WDR87: variants seen among roughly 807,000 people sequenced by gnomAD.
WDR87 encodes the protein WD repeat-containing protein 87.
Under a neutral mutation model 83.3 loss-of-function variants are expected in WDR87, and 56 were observed. That is an observed-to-expected ratio of 0.67 (90% confidence interval 0.54 to 0.84). WDR87 has a LOEUF of 0.84. Ranked by LOEUF, WDR87 falls within the 40% of genes least tolerant of loss-of-function variation. The pLI is 0.00. For missense variants in WDR87, 2,939 were observed against 3,431.9 expected, an observed-to-expected ratio of 0.86 and a Z score of 3.59; for synonymous variants, 1,173 against 1,250.6, an observed-to-expected ratio of 0.94 and a Z score of 1.31.
Position 37,887,931 on chromosome 19 carries a change from C to G in WDR87, c.5740G>C (p.Val1914Leu), listed in dbSNP as rs1234804158. 6.4e-7 allele frequency: 1 copy of G among 1,551,660 alleles called. No homozygotes were observed. Residue 1914 changes from valine to leucine, a missense_variant, in exon 6 of 6, where the codon GTG becomes CTG. This residue lies in a region of WDR87 where 2,160 missense variants were observed against 2,533.1 expected (regional missense o/e 0.85). Coordinates refer to ENST00000447313, the MANE Select transcript of WDR87 (RefSeq NM_001291088.2). ...ATTCCCAATTTGTTCTTTACTTGCACTAATTGCTTTTTGCTGTGGGTGAGT... is the reference window on the plus strand; with the variant it reads ...ATTCCCAATTTGTTCTTTACTTGCAGTAATTGCTTTTTGCTGTGGGTGAGT... ...ERLTHSKKQL[V>L]QVKNKLGMFN...
In WDR87 at chr19:37,887,266, T is replaced by C. The variant is rs2046157623; in HGVS notation, c.6405A>G (p.Lys2135=). 1 of 1,551,356 alleles carries C rather than the reference T, an allele frequency of 6.4e-7. No individual in the cohort carries two copies. The highest frequency in any genetic ancestry group is 8.7e-7 in the Non-Finnish European group (1 of 1,146,920). Residue 2135 remains lysine, a synonymous_variant, in exon 6 of 6, where the codon AAA becomes AAG. Transcript: ENST00000447313. ...AGAGTGCCCTCTTCATCTTTGTCAT[T>C]TTTATTTCTTCCTGTGTTAGTTTCC... ...DERKLTQEEI[K]MTKMKRALFV...
In WDR87 at chr19:37,885,057, C is replaced by G. The variant is rs892628499; in HGVS notation, c.8614G>C (p.Val2872Leu). The G allele has an allele frequency of 1.4e-6, 2 of 1,469,536 alleles. No homozygotes were observed. The highest frequency in any genetic ancestry group is 5.3e-5 in the Admixed American group (2 of 37,586). 91.0% of individuals were successfully genotyped at this position (1,469,536 alleles called of 1,614,324 possible). ...ATGCCCACGGGAAGGATGGTGCGCA[C>G]ACAGTTCTGCCATGGGAGGGGTACC... ...GAVPLPWQNC[V>L]RTILPVGIAR... Residue 2872 changes from valine (V) to leucine (L), a missense_variant, in exon 6 of 6, where the codon GTG (valine) becomes CTG (leucine). This residue lies in a region of WDR87 where 2,160 missense variants were observed against 2,533.1 expected (regional missense o/e 0.85). Coordinates refer to ENST00000447313, the MANE Select transcript of WDR87 (RefSeq NM_001291088.2).
In WDR87 at chr19:37,898,243, C is replaced by T. The variant is rs961575886; in HGVS notation, c.-4G>A. On this transcript the variant is annotated 5_prime_UTR_variant, in exon 2 of 6. Coordinates refer to ENST00000447313, the MANE Select transcript of WDR87 (RefSeq NM_001291088.2). ...GAATGAGCCTGGGGGAAGACATCAC[C>T]GTCAGACTCCCTTGGCCCTCCTGAG... is the stretch of plus-strand genomic sequence containing the variant. 20 of 1,551,274 alleles carry T rather than the reference C, an allele frequency of 1.3e-5. No homozygotes were observed. The highest frequency in any genetic ancestry group is 7.3e-5 in the East Asian group (3 of 40,930).
At position 37,886,696 on chromosome 19, in the gene WDR87, C is replaced by T. The variant is rs570926079; in HGVS notation, c.6975G>A (p.Glu2325=). 10 of 1,454,482 alleles carry T rather than the reference C, an allele frequency of 6.9e-6. No homozygotes were observed. The East Asian group carries it at 2.0e-4, about 29-fold the overall frequency. 90.1% of individuals were successfully genotyped at this position (1,454,482 alleles called of 1,614,324 possible). The change falls in exon 6 of 6, where the codon GAG becomes GAA. Residue 2325 remains glutamate, a synonymous_variant. Coordinates refer to ENST00000447313, the MANE Select transcript of WDR87 (RefSeq NM_001291088.2). The part of the protein sequence containing the change: ...EEKQVEKEEE[E]KKKKKKEKKK... The stretch of plus-strand genomic sequence containing the variant: ...TCTTTTCCTTTTTCTTCTTCTTCTT[C>T]TCCTCCTCTTCTTTCTCCACTTGCT...
Position 37,890,251 on chromosome 19 carries a change from C to T in WDR87, c.3420G>A (p.Lys1140=), listed in dbSNP as rs62110237. The part of the protein sequence containing the change: ...KHSQKWLRGL[K]KTKERDSKQM... ...GTTTAGAGTCTCTCTCTTTCGTCTT[C>T]TTGAGACCCCGCAACCATTTTTGGC... Residue 1140 remains lysine (K), a synonymous_variant, in exon 6 of 6, where the codon AAG becomes AAA. Transcript: ENST00000447313. 68,029 of 1,533,920 alleles carry T rather than the reference C, an allele frequency of 0.044. 1,739 individuals carry two copies. Among genetic ancestry groups the T allele is most frequent in the East Asian group, 0.1 (4,258 of 40,568 alleles).
chr19:37,899,135 TTGGCTGGGCACCG>T (rs1156898340), intron 1 of WDR87, among the ~76,000 whole-genome samples: 4 of 152,110 alleles, frequency 2.6e-5, no homozygotes, highest in Non-Finnish European at 5.9e-5. Context: ...AGATAGGGTT[TTGGCTGGGCACCG>T]TGGCTCACGC....
At chr19:37,904,247 A>G (rs1329990290) in intron 1 of WDR87, among the ~76,000 whole-genome samples, 1 of 151,952 alleles carries the variant, frequency 6.6e-6, no homozygotes, top group Admixed American at 6.6e-5. Flanking sequence ...TTGAAAATGT[A>G]CTAAGGAGCA....
chr19:37,896,653 C>T (rs1453252828), intron 2 of WDR87, among the ~76,000 whole-genome samples: 1 of 152,142 alleles, frequency 6.6e-6, no homozygotes, highest in Non-Finnish European at 1.5e-5. Context: ...GAGTCTCTTT[C>T]TGTTGCCCAG....
chr19:37,905,557 T>G (rs939266757), intron 1 of WDR87, among the ~76,000 whole-genome samples: 6 of 141,590 alleles, frequency 4.2e-5, no homozygotes, highest in Admixed American at 2.8e-4. Context: ...AACACACACA[T>G]ATATAATTTT....
At position 37,886,434 on chromosome 19, in the gene WDR87, G is replaced by A; in HGVS notation, c.7237C>T (p.Pro2413Ser). 6.5e-7 allele frequency: 1 copy of A among 1,530,388 alleles called. No homozygotes were observed. Among genetic ancestry groups the A allele is most frequent in the Non-Finnish European group, 8.8e-7 (1 of 1,141,272 alleles). 94.8% of individuals were successfully genotyped at this position (1,530,388 alleles called of 1,614,324 possible). Residue 2413 changes from proline to serine, a missense_variant, in exon 6 of 6, where the codon CCT becomes TCT. This residue lies in a region of WDR87 where 2,160 missense variants were observed against 2,533.1 expected (regional missense o/e 0.85). Transcript: ENST00000447313. ...CTTATAGCCCTGCCTTTGCCATGAGGAACTCCTCTTAAAATGGAAAGGACT... is the reference window on the plus strand; with the variant it reads ...CTTATAGCCCTGCCTTTGCCATGAGAAACTCCTCTTAAAATGGAAAGGACT... ...ERVLSILRGV[P>S]HGKGRAIRLG...
intron 1 of WDR87, among the ~76,000 whole-genome samples, chr19:37,900,227 A>C (rs1042943419): frequency 6.6e-6 from 1 of 152,162 alleles, no homozygotes; most frequent in African/African-American, 2.4e-5. Context: ...CATTAACTCA[A>C]AGAGGAAAAG....
At chr19:37,899,010 A>G (rs181601305) in intron 1 of WDR87, among the ~76,000 whole-genome samples, 5 of 152,178 alleles carry the variant, frequency 3.3e-5, no homozygotes, top group Admixed American at 2.6e-4. Flanking sequence ...ATCAATGAAT[A>G]ATTGTTGTTG....
Position 37,896,265 on chromosome 19 carries a change from T to C in WDR87, c.119A>G (p.Asp40Gly), listed in dbSNP as rs550926581. The C allele has an allele frequency of 6.4e-7, 1 of 1,551,964 alleles. No homozygotes were observed. Among genetic ancestry groups the C allele is most frequent in the South Asian group, 1.2e-5 (1 of 84,060 alleles). The change falls in exon 3 of 6, where the codon GAC (aspartate) becomes GGC (glycine). Residue 40 changes from aspartate (D) to glycine (G), a missense_variant. Transcript: ENST00000447313. ...DPKNCLIVLS[D>G]RSQVLFKESR... Reference sequence around the variant, plus strand: ...CTCTTTGAACAGTACCTGGGACCGGTCACTCAGCACAATCAGGCAGTTCTT... The same window carrying C: ...CTCTTTGAACAGTACCTGGGACCGGCCACTCAGCACAATCAGGCAGTTCTT...
intron 4 of WDR87, 110 bp from the exon 5 acceptor site, chr19:37,891,930 A>G: frequency 5.3e-6 from 7 of 1,312,322 alleles, no homozygotes; most frequent in Non-Finnish European, 6.1e-6. Context: ...AGTGGCCAAG[A>G]GAGATGGCAT....
chr19:37,885,260 G>A lies in WDR87; in HGVS notation c.8411C>T (p.Ser2804Phe). The A allele has an allele frequency of 6.6e-7, 1 of 1,523,304 alleles. No individual in the cohort carries two copies. The highest frequency in any genetic ancestry group is 8.8e-7 in the Non-Finnish European group (1 of 1,135,432). The allele number at this position is 1,523,304 out of a possible 1,614,324, so 94.4% of individuals were successfully genotyped here. A position where few individuals can be genotyped will look rare whatever the true frequency, so the allele number is the denominator to read the frequency against. Residue 2804 changes from serine to phenylalanine, a missense_variant, in exon 6 of 6, where the codon TCC becomes TTC. Around this residue, in one of 3 missense-constraint regions of WDR87, gnomAD observed 2,160 missense variants for 2,533.1 expected, o/e 0.85. Transcript: ENST00000447313. ...CTGAAGCAGCTTCTGGATTCTGGGG[G>A]ACTTAAGTTGGTACAGGTCCATGAG... ...YQLMDLYQLK[S>F]PRIQKLLQEL...
chr19:37,887,709 G>C lies in WDR87; in HGVS notation c.5962C>G (p.Arg1988Gly), dbSNP rs150036213. 6.4e-7 allele frequency: 1 copy of C among 1,552,042 alleles called. No individual in the cohort carries two copies. The highest frequency in any genetic ancestry group is 1.4e-5 in the African/African-American group (1 of 73,064). ...GCAATATCCAACTCTCCTCTGAGCC[G>C]TTTCTTTCCTTGGACCATTGCCTTC... ...LEKAMVQGKKRLRGELDIAKE... is the reference protein window; with the variant it reads ...LEKAMVQGKKGLRGELDIAKE... The change falls in exon 6 of 6, where the codon CGG (arginine) becomes GGG (glycine). Residue 1988 changes from arginine to glycine, a missense_variant. Physicochemically the swap from Arg to Gly is moderately radical, Grantham distance 125 (BLOSUM62 -2). Around this residue, in one of 3 missense-constraint regions of WDR87, gnomAD observed 2,160 missense variants for 2,533.1 expected, o/e 0.85. Transcript: ENST00000447313.
intron 1 of WDR87, among the ~76,000 whole-genome samples, chr19:37,905,658 G>A (rs1409883862): frequency 6.6e-6 from 1 of 151,940 alleles, no homozygotes; most frequent in Non-Finnish European, 1.5e-5. Context: ...AAACTCCTGG[G>A]CTTAAGCGAT....
intron 5 of WDR87, 32 bp from the exon 6 acceptor site, chr19:37,890,308 A>T (rs891398984): frequency 3.4e-6 from 5 of 1,491,040 alleles, no homozygotes; most frequent in African/African-American, 1.4e-5. Context: ...GGAGGTAAGC[A>T]AAGTATGGGA....
chr19:37,894,229 G>A lies in WDR87; in HGVS notation c.1474C>T (p.His492Tyr). 2 of 1,551,956 alleles carry A rather than the reference G, an allele frequency of 1.3e-6. 1 individual carries two copies. The highest frequency in any genetic ancestry group is 2.4e-5 in the South Asian group (2 of 84,056). ...QSGVIRVLSQHSCARLEKFMH... is the reference protein window; with the variant it reads ...QSGVIRVLSQYSCARLEKFMH... ...AATTTTTCTAATCGAGCACAGCTGT[G>A]CTGGGAGAGCACTCTTATCACACCA... is the stretch of plus-strand genomic sequence containing the variant. Residue 492 changes from histidine to tyrosine, a missense_variant, in exon 4 of 6, where the codon CAC (histidine) becomes TAC (tyrosine). Physicochemically the swap from His to Tyr is moderately conservative, Grantham distance 83. Coordinates refer to ENST00000447313, the MANE Select transcript of WDR87 (RefSeq NM_001291088.2).
Sources: gnomAD v4.1 joint callset for allele counts (sites outside exome capture counted in the v4.1 genomes callset) on GRCh38, gnomAD v4.1.1 for gene constraint, gnomAD v4.1.1 regional missense constraint, MANE v1.5 for transcripts, NCBI Gene and HGNC (gene_info 2026-07-23, HGNC 2026-07-21) for gene names.